The following AGK variants were observed in gnomAD, a reference collection of about 807,000 sequenced individuals.
AGK encodes the protein acylglycerol kinase, also known as acylglycerol kinase, mitochondrial.
Under a neutral mutation model 66.4 loss-of-function variants are expected in AGK, and 52 were observed. The ratio of observed to expected loss-of-function variants is 0.78; its 90% CI spans 0.63 to 0.99. AGK has a LOEUF of 0.99. Ranked by LOEUF, AGK falls within the 50% of genes least tolerant of loss-of-function variation. The pLI is 0.00. For synonymous variants in AGK, 182 were observed against 181.1 expected, an observed-to-expected ratio of 1.00 and a Z score of -0.04; for missense variants, 451 against 506.6, an observed-to-expected ratio of 0.89 and a Z score of 1.05.
At chr7:141,607,243 G>A (rs1170920587) in intron 5 of AGK, among the ~76,000 whole-genome samples, 2 of 152,116 alleles carry the variant, frequency 1.3e-5, no homozygotes, top group Non-Finnish European at 2.9e-5. Flanking sequence ...CGTTCAAAGT[G>A]GCTGTACCAT....
chr7:141,596,108 C>T (rs891169965), intron 3 of AGK, among the ~76,000 whole-genome samples: 4 of 152,114 alleles, frequency 2.6e-5, no homozygotes, highest in Admixed American at 6.5e-5. Flanking sequence ...ATAGAGTATT[C>T]GGTTTATTTT....
rs192355182 is a variant in AGK at position 141,577,108 on chromosome 7, C to T, written c.102-16038C>T. On this transcript the variant is annotated intron_variant, in intron 2 of 15. Transcript: ENST00000649286. ...CCCCCTCAACTATCTAAGTGGACTC[C>T]CTCCTCAGCCAGGGCACTCTAAAAT... is the stretch of plus-strand genomic sequence containing the variant. Among the ~76,000 whole-genome samples, 514 of 152,144 alleles carry T rather than the reference C, an allele frequency of 3.4e-3. 1 individual carries two copies. The highest frequency in any genetic ancestry group is 5.9e-3 in the Non-Finnish European group (398 of 67,998).
intron 2 of AGK, among the ~76,000 whole-genome samples, chr7:141,562,902 A>G (rs1029112704): frequency 6.6e-6 from 1 of 152,202 alleles, no homozygotes; most frequent in African/African-American, 2.4e-5. Context: ...CTGTGTGCCT[A>G]CAAGGTTTTG....
chr7:141,566,516 C>A (rs1365367573), intron 2 of AGK, among the ~76,000 whole-genome samples: 1 of 152,136 alleles, frequency 6.6e-6, no homozygotes, highest in Non-Finnish European at 1.5e-5. Flanking sequence ...GGAAATTATA[C>A]CCTAAATTCA....
At position 141,575,762 on chromosome 7, in the gene AGK, G is replaced by GA. The variant is rs199521824; in HGVS notation, c.102-17380dup. On this transcript the variant is annotated intron_variant, in intron 2 of 15. Coordinates refer to ENST00000649286, the MANE Select transcript of AGK (RefSeq NM_018238.4). ...TAGTAAAAACAGGGATTTTAGACCTGAAAATTGCTGTAAATATTTGGAAGC... is the reference window on the plus strand; with the variant it reads ...TAGTAAAAACAGGGATTTTAGACCTGAAAAATTGCTGTAAATATTTGGAAGC... Among the ~76,000 whole-genome samples, 53 of 140,226 alleles carry GA rather than the reference G, an allele frequency of 3.8e-4. 1 individual carries two copies. In the East Asian group the frequency reaches 0.011, roughly 29 times the overall value. 92.0% of individuals were successfully genotyped at this position (140,226 alleles called of 152,430 possible).
At chr7:141,623,408 G>GAA (rs372720202) in intron 9 of AGK, among the ~76,000 whole-genome samples, 3 of 136,738 alleles carry the variant, frequency 2.2e-5, no homozygotes, top group African/African-American at 8.3e-5. Flanking sequence ...AAAAAAGAAA[G>GAA]AAAAAAAAAA....
intron 6 of AGK, among the ~76,000 whole-genome samples, chr7:141,612,886 A>G (rs2116958592): frequency 6.6e-6 from 1 of 152,298 alleles, no homozygotes; most frequent in East Asian, 1.9e-4. Flanking sequence ...TCATTCCTGT[A>G]TACTATATTT....
chr7:141,621,742 G>T lies in AGK; in HGVS notation c.529G>T (p.Asp177Tyr). 1 of 1,612,950 alleles carries T rather than the reference G, an allele frequency of 6.2e-7. No homozygotes were observed. The highest frequency in any genetic ancestry group is 8.5e-7 in the Non-Finnish European group (1 of 1,179,196). ...ESGNKVQHIT[D>Y]ATLAIVKGET... is the part of the protein sequence containing the mutation. Reference sequence around the variant, plus strand: ...CCTTTTCTCTTTTAGACATATTACTGATGCCACACTTGCCATTGTGAAAGG... The same window carrying T: ...CCTTTTCTCTTTTAGACATATTACTTATGCCACACTTGCCATTGTGAAAGG... The change falls in exon 9 of 16, where the codon GAT becomes TAT. Residue 177 changes from aspartate to tyrosine, a missense_variant. By Grantham distance (160) the Asp-to-Tyr change is radical. Transcript: ENST00000649286.
chr7:141,619,746 T>C (rs1302971279), intron 8 of AGK, among the ~76,000 whole-genome samples: 1 of 151,314 alleles, frequency 6.6e-6, no homozygotes, highest in Non-Finnish European at 1.5e-5. Context: ...TTGGTGCAAA[T>C]ACGAAATGGT....
intron 5 of AGK, among the ~76,000 whole-genome samples, chr7:141,604,346 G>A (rs534343224): frequency 1.7e-4 from 25 of 144,530 alleles, no homozygotes; most frequent in African/African-American, 6.3e-4. Context: ...ATGTATGTGT[G>A]TGCATATGTA....
At chr7:141,581,622 G>A (rs1015606773) in intron 2 of AGK, among the ~76,000 whole-genome samples, 1 of 151,864 alleles carries the variant, frequency 6.6e-6, no homozygotes, top group African/African-American at 2.4e-5. Context: ...ATGGTAAGGG[G>A]TGCATGATCA....
At chr7:141,591,039 T>G (rs1796102573) in intron 2 of AGK, among the ~76,000 whole-genome samples, 1 of 150,388 alleles carries the variant, frequency 6.6e-6, no homozygotes, top group Non-Finnish European at 1.5e-5. Flanking sequence ...GCTTTTGGGG[T>G]ACTGATGTCA....
At chr7:141,569,268 G>C (rs1417334416) in intron 2 of AGK, among the ~76,000 whole-genome samples, 2 of 152,144 alleles carry the variant, frequency 1.3e-5, no homozygotes, top group East Asian at 3.9e-4. Flanking sequence ...GGGCGTGGTG[G>C]CTCACACCTA....
At chr7:141,639,642 A>C (rs1797246456) in intron 11 of AGK, among the ~76,000 whole-genome samples, 4 of 152,196 alleles carry the variant, frequency 2.6e-5, no homozygotes. Context: ...TGTAGGAAGC[A>C]AAGTGATCCT....
intron 2 of AGK, among the ~76,000 whole-genome samples, chr7:141,584,536 A>G (rs1424815219): frequency 6.6e-6 from 1 of 152,172 alleles, no homozygotes; most frequent in East Asian, 1.9e-4. Context: ...GGGCACGAGT[A>G]CTCAGGACCT....
intron 2 of AGK, among the ~76,000 whole-genome samples, chr7:141,584,524 T>G (rs1795954393): frequency 6.6e-6 from 1 of 152,196 alleles, no homozygotes; most frequent in African/African-American, 2.4e-5. Flanking sequence ...CCCGACCATT[T>G]GGGGCACGAG....
At chr7:141,618,389 T>C (rs1796751170) in intron 8 of AGK, among the ~76,000 whole-genome samples, 1 of 152,216 alleles carries the variant, frequency 6.6e-6, no homozygotes, top group Non-Finnish European at 1.5e-5. Flanking sequence ...TACATGTGTT[T>C]ATCAAATGCA....
intron 1 of AGK, among the ~76,000 whole-genome samples, chr7:141,552,019 C>G (rs897625808): frequency 1.3e-5 from 2 of 152,192 alleles, no homozygotes; most frequent in African/African-American, 4.8e-5. Flanking sequence ...CACTATTCAA[C>G]CAGTCACCCA....
chr7:141,627,012 C>T (rs1796951793), intron 9 of AGK, among the ~76,000 whole-genome samples: 2 of 152,160 alleles, frequency 1.3e-5, no homozygotes, highest in African/African-American at 4.8e-5. Context: ...AATTTAACAT[C>T]TCTGGAGAAC....
Sources: gnomAD v4.1 joint callset for allele counts (sites outside exome capture counted in the v4.1 genomes callset) on GRCh38, gnomAD v4.1.1 for gene constraint, MANE v1.5 for transcripts, NCBI Gene and HGNC (gene_info 2026-07-23, HGNC 2026-07-21) for gene names.